The following SOS1 variants were observed in gnomAD, a reference collection of about 807,000 sequenced individuals.
SOS1 encodes the protein son of sevenless homolog 1.
Under a neutral mutation model 157.6 loss-of-function variants are expected in SOS1, and 25 were observed. The ratio of observed to expected loss-of-function variants is 0.16; its 90% CI spans 0.12 to 0.22. The LOEUF is 0.22. Ranked by LOEUF, SOS1 falls within the 10% of genes least tolerant of loss-of-function variation. SOS1 has a pLI of 1.00. For synonymous variants in SOS1, 528 were observed against 534.0 expected, an observed-to-expected ratio of 0.99 and a Z score of 0.16; for missense variants, 1,237 against 1,599.1, an observed-to-expected ratio of 0.77 and a Z score of 3.86.
At chr2:39,061,160 T>G (rs1435090132) in intron 2 of SOS1, among the ~76,000 whole-genome samples, 1 of 150,912 alleles carries the variant, frequency 6.6e-6, no homozygotes, top group Non-Finnish European at 1.5e-5. Flanking sequence ...TAAACTTACT[T>G]ACAAGGGTAT....
At chr2:39,035,059 T>C (rs1018910915) in intron 8 of SOS1, among the ~76,000 whole-genome samples, 153 bp downstream of exon 8, 2 of 152,160 alleles carry the variant, frequency 1.3e-5, no homozygotes, top group African/African-American at 4.8e-5. Flanking sequence ...TGCTACTCTT[T>C]TGCAGACTGA....
intron 9 of SOS1, among the ~76,000 whole-genome samples, chr2:39,023,612 T>C (rs1447653847): frequency 1.3e-5 from 2 of 152,212 alleles, no homozygotes; most frequent in East Asian, 1.9e-4. Flanking sequence ...GCTAAAAACA[T>C]GTAGCACATA....
chr2:39,111,902 G>A (rs557646874), intron 1 of SOS1, among the ~76,000 whole-genome samples: 10 of 151,968 alleles, frequency 6.6e-5, no homozygotes, highest in African/African-American at 2.4e-4. Flanking sequence ...GATAATTTTT[G>A]TATTTTTGGT....
intron 1 of SOS1, among the ~76,000 whole-genome samples, chr2:39,077,921 G>T (rs1230600702): frequency 6.6e-6 from 1 of 152,070 alleles, no homozygotes; most frequent in Non-Finnish European, 1.5e-5. Context: ...AAAGACACAA[G>T]AAGTATAAAA....
intron 6 of SOS1, among the ~76,000 whole-genome samples, chr2:39,048,991 C>T (rs1670897585): frequency 6.6e-6 from 1 of 152,104 alleles, no homozygotes; most frequent in South Asian, 2.1e-4. Context: ...GATCTCGGCT[C>T]ACTGCAGTCT....
chr2:39,093,827 T>C (rs1672675264), intron 1 of SOS1, among the ~76,000 whole-genome samples: 1 of 152,228 alleles, frequency 6.6e-6, no homozygotes, highest in Non-Finnish European at 1.5e-5. Context: ...GATACATTGC[T>C]ACTTTTACTG....
At chr2:39,121,726 G>C (rs1346383051), upstream of SOS1, among the ~76,000 whole-genome samples, 4 of 152,186 alleles carry the variant, frequency 2.6e-5, no homozygotes, top group Non-Finnish European at 5.9e-5. Context: ...CTTTCGACTA[G>C]ATAATAAACT....
At chr2:39,102,180 G>C (rs1037998412) in intron 1 of SOS1, among the ~76,000 whole-genome samples, 1 of 119,822 alleles carries the variant, frequency 8.3e-6, no homozygotes, top group Non-Finnish European at 1.6e-5. Context: ...ATTCCAGCCC[G>C]GGTGACAGTG....
At position 39,024,540 on chromosome 2, in the gene SOS1, T is replaced by G. The variant is rs766902552; in HGVS notation, c.1075-403A>C. 6.7e-4 allele frequency among the ~76,000 whole-genome samples: 102 copies of G among 152,072 alleles called. 1 individual carries two copies. The highest frequency in any genetic ancestry group is 1.2e-3 in the Non-Finnish European group (84 of 67,964). On this transcript the variant is annotated intron_variant, in intron 8 of 22. Coordinates refer to ENST00000402219, the MANE Select transcript of SOS1 (RefSeq NM_005633.4). ...TAGGTTTCTGACCCCTATATTATTGTTATATAATATTGAGATGATAAGGAA... is the reference window on the plus strand; with the variant it reads ...TAGGTTTCTGACCCCTATATTATTGGTATATAATATTGAGATGATAAGGAA...
In SOS1 at chr2:38,985,812, G is replaced by A. The variant is rs1057522437; in HGVS notation, c.*12C>T. On this transcript the variant is annotated 3_prime_UTR_variant, in exon 23 of 23. Transcript: ENST00000402219. ...TGGGGCTAGGAAAATATACATCCCA[G>A]TACAGAGGAACTCAGGAAGAATGGG... The A allele has an allele frequency of 6.8e-6, 11 of 1,611,530 alleles. No homozygotes were observed. The East Asian group carries it at 2.2e-4, about 33-fold the overall frequency.
At chr2:39,037,527 T>C (rs977475621) in intron 6 of SOS1, among the ~76,000 whole-genome samples, 116 of 152,308 alleles carry the variant, frequency 7.6e-4, no homozygotes, top group African/African-American at 2.8e-3. Flanking sequence ...TTTTTCACAA[T>C]TATAAAAAAA....
At chr2:39,056,425 G>GA (rs1293977040) in intron 4 of SOS1, among the ~76,000 whole-genome samples, 4 of 151,390 alleles carry the variant, frequency 2.6e-5, no homozygotes, top group African/African-American at 9.7e-5. Context: ...TCAAAAAAAA[G>GA]AAAAAAGAAA....
At chr2:39,095,887 C>G (rs1032460064) in intron 1 of SOS1, among the ~76,000 whole-genome samples, 1 of 152,160 alleles carries the variant, frequency 6.6e-6, no homozygotes, top group African/African-American at 2.4e-5. Context: ...AATAATTTCA[C>G]AAGTCAGTCA....
intron 1 of SOS1, among the ~76,000 whole-genome samples, chr2:39,070,897 C>CT (rs534766392): frequency 1.3e-3 from 200 of 152,298 alleles, no homozygotes; most frequent in African/African-American, 4.5e-3. Flanking sequence ...GAGTCTCGCT[C>CT]TGTCACTCAG....
intron 17 of SOS1, among the ~76,000 whole-genome samples, chr2:39,005,873 TAAAG>T (rs886639673): frequency 8.6e-5 from 13 of 151,650 alleles, no homozygotes; most frequent in African/African-American, 2.7e-4. Context: ...ATAAAGGAAA[TAAAG>T]AACGGAAAAA....
intron 19 of SOS1, 136 bp downstream of exon 19, chr2:38,996,786 C>T: frequency 3.1e-6 from 2 of 635,858 alleles, no homozygotes; most frequent in Non-Finnish European, 5.8e-6. Flanking sequence ...GTGGGATATT[C>T]CTGGACATAA....
chr2:39,007,781 C>T (rs190757543), intron 15 of SOS1, among the ~76,000 whole-genome samples: 1 of 152,164 alleles, frequency 6.6e-6, no homozygotes, highest in African/African-American at 2.4e-5. Context: ...AGGAGCTTCA[C>T]TGAGTGAAAC....
At chr2:39,036,880 A>G (rs1670373423) in intron 6 of SOS1, among the ~76,000 whole-genome samples, 1 of 151,738 alleles carries the variant, frequency 6.6e-6, no homozygotes, top group Non-Finnish European at 1.5e-5. Context: ...CGGCCTGACC[A>G]GGCTGGTCTT....
At chr2:39,022,492 G>T in intron 10 of SOS1, 78 bp downstream of exon 10, 2 of 1,097,848 alleles carry the variant, frequency 1.8e-6, no homozygotes, top group Non-Finnish European at 2.8e-6. Context: ...TCTATTTTAG[G>T]CACAATAAAC....
Sources: gnomAD v4.1 joint callset for allele counts (sites outside exome capture counted in the v4.1 genomes callset) on GRCh38, gnomAD v4.1.1 for gene constraint, MANE v1.5 for transcripts, NCBI Gene and HGNC (gene_info 2026-07-23, HGNC 2026-07-21) for gene names.